Variants in PCDH9 observed in about 807,000 individuals in gnomAD.
The protein encoded by PCDH9 is protocadherin-9.
In PCDH9, 24 loss-of-function variants were observed where a neutral mutation model predicts 70.6. That is an observed-to-expected ratio of 0.34 (90% confidence interval 0.25 to 0.48). PCDH9 has a LOEUF of 0.48. Among genes scored for constraint, PCDH9 ranks in the 20% least tolerant of loss-of-function variants. The probability of loss-of-function intolerance (pLI) is 0.99; values close to 1 mark genes in which losing one functional copy is unlikely to be tolerated. For missense variants in PCDH9, 1,281 were observed against 1,503.6 expected, an observed-to-expected ratio of 0.85 and a Z score of 2.45; for synonymous variants, 562 against 558.5, an observed-to-expected ratio of 1.01 and a Z score of -0.09.
intron 3 of PCDH9, among the ~76,000 whole-genome samples, chr13:66,888,759 T>G (rs989426814): frequency 9.2e-5 from 14 of 152,142 alleles, no homozygotes; most frequent in Admixed American, 5.2e-4. Context: ...TACTTCATTC[T>G]TTTAGTAAAC....
chr13:66,598,399 T>C (rs1204620159), intron 4 of PCDH9, among the ~76,000 whole-genome samples: 1 of 151,860 alleles, frequency 6.6e-6, no homozygotes, highest in Non-Finnish European at 1.5e-5. Flanking sequence ...TAGAGAATTG[T>C]TCAAATATTG....
At chr13:66,932,681 T>TATATATATGTATATAC in intron 2 of PCDH9, among the ~76,000 whole-genome samples, 1 of 114,822 alleles carries the variant, frequency 8.7e-6, no homozygotes, top group Non-Finnish European at 1.8e-5. Context: ...TATATATATA[T>TATATATATGTATATAC]ACACACACAC....
At chr13:66,554,119 C>G (rs1217313338) in intron 4 of PCDH9, among the ~76,000 whole-genome samples, 1 of 152,158 alleles carries the variant, frequency 6.6e-6, no homozygotes, top group African/African-American at 2.4e-5. Flanking sequence ...TTATAACACT[C>G]TGTTCTGTAT....
chr13:67,156,712 G>A (rs1207765268), intron 2 of PCDH9, among the ~76,000 whole-genome samples: 1 of 152,160 alleles, frequency 6.6e-6, no homozygotes, highest in African/African-American at 2.4e-5. Flanking sequence ...GAGGTAGAGG[G>A]TCTAATTGAG....
intron 4 of PCDH9, among the ~76,000 whole-genome samples, chr13:66,532,350 C>A (rs979879206): frequency 6.6e-6 from 1 of 151,994 alleles, no homozygotes; most frequent in Non-Finnish European, 1.5e-5. Context: ...AAACGTTCCC[C>A]ATGGGTGAGT....
chr13:66,889,424 C>G (rs972870254), intron 3 of PCDH9, among the ~76,000 whole-genome samples: 28 of 152,294 alleles, frequency 1.8e-4, no homozygotes, highest in Non-Finnish European at 3.7e-4. Flanking sequence ...AGGTCACGAG[C>G]AAGCTTCAGA....
At chr13:67,205,642 T>C (rs1407078094) in intron 2 of PCDH9, 3 of 152,194 alleles carry the variant, frequency 2.0e-5, no homozygotes, top group African/African-American at 7.2e-5. Context: ...CCATCATCCA[T>C]ATGCACTACA....
intron 4 of PCDH9, among the ~76,000 whole-genome samples, chr13:66,442,414 C>T (rs763925123): frequency 6.6e-6 from 1 of 151,934 alleles, no homozygotes; most frequent in Non-Finnish European, 1.5e-5. Context: ...TTAGGTGAGG[C>T]CTTTAGTTAA....
At chr13:66,590,067 A>G (rs1330910727) in intron 4 of PCDH9, among the ~76,000 whole-genome samples, 1 of 152,048 alleles carries the variant, frequency 6.6e-6, no homozygotes, top group Non-Finnish European at 1.5e-5. Context: ...GCAGAGTGTT[A>G]TGGATTTTGT....
chr13:66,539,853 TTTA>T (rs995255627), intron 4 of PCDH9, among the ~76,000 whole-genome samples: 3 of 143,962 alleles, frequency 2.1e-5, no homozygotes, highest in Non-Finnish European at 3.0e-5. Context: ...TCTTTATTTT[TTTA>T]TTTTCTTTTT....
intron 2 of PCDH9, among the ~76,000 whole-genome samples, chr13:67,176,930 A>T (rs1287216556): frequency 6.6e-6 from 1 of 152,126 alleles, no homozygotes; most frequent in Admixed American, 6.6e-5. Flanking sequence ...GGTAAGAAAG[A>T]CAGTACAACA....
chr13:67,093,443 A>G (rs2086258621), intron 2 of PCDH9, among the ~76,000 whole-genome samples: 1 of 152,096 alleles, frequency 6.6e-6, no homozygotes, highest in African/African-American at 2.4e-5. Context: ...GAAAAGAGTG[A>G]GACTCCATCT....
chr13:66,615,305 C>T (rs1478764054), intron 4 of PCDH9, among the ~76,000 whole-genome samples: 1 of 152,138 alleles, frequency 6.6e-6, no homozygotes, highest in East Asian at 1.9e-4. Context: ...GATGCTCAAT[C>T]TTCTTTAGGT....
At chr13:66,389,178 TCTAGTCC>T (rs1956978423) in intron 4 of PCDH9, among the ~76,000 whole-genome samples, 1 of 152,202 alleles carries the variant, frequency 6.6e-6, no homozygotes, top group Non-Finnish European at 1.5e-5. Context: ...AATCTTAGCA[TCTAGTCC>T]TAATGTTTAT....
chr13:66,358,533 A>G (rs1956420844), intron 4 of PCDH9, among the ~76,000 whole-genome samples: 1 of 151,974 alleles, frequency 6.6e-6, no homozygotes, highest in South Asian at 2.1e-4. Context: ...ATAATTACAA[A>G]TTTTCATCTA....
intron 4 of PCDH9, among the ~76,000 whole-genome samples, chr13:66,401,910 A>G (rs1053216792): frequency 6.6e-6 from 1 of 152,126 alleles, no homozygotes; most frequent in African/African-American, 2.4e-5. Flanking sequence ...TCAGAGTGTC[A>G]AGGTACCCCA....
Position 67,227,826 on chromosome 13 carries a change from A to C in PCDH9, c.615T>G (p.Ile205Met). 1 of 1,614,112 alleles carries C rather than the reference A, an allele frequency of 6.2e-7. No individual in the cohort carries two copies. The highest frequency in any genetic ancestry group is 1.3e-5 in the African/African-American group (1 of 75,056). ...TPEGEKWPQL[I>M]VQQNLDREQK... ...GTTCTCTATCCAAGTTTTGCTGAAC[A>C]ATCAGTTGTGGCCACTTCTCTCCCT... The change falls in exon 2 of 5, where the codon ATT (isoleucine) becomes ATG (methionine). Residue 205 changes from isoleucine (I) to methionine (M), a missense_variant. Physicochemically the swap from Ile to Met is conservative, Grantham distance 10. Transcript: ENST00000377865. This position sits in a 1 kb window ranked among gnomAD's most constrained non-coding sequence, Gnocchi z 4.6.
intron 2 of PCDH9, among the ~76,000 whole-genome samples, chr13:67,115,209 G>A (rs1368042080): frequency 3.9e-5 from 6 of 152,152 alleles, no homozygotes. Context: ...GTATCAGATT[G>A]TCAGCATTGT....
chr13:67,158,864 C>G (rs2087880048), intron 2 of PCDH9, among the ~76,000 whole-genome samples: 1 of 152,172 alleles, frequency 6.6e-6, no homozygotes, highest in African/African-American at 2.4e-5. Context: ...CTGAATGACT[C>G]AAGCAAAGGA....
Sources: allele counts gnomAD v4.1 joint callset (sites outside exome capture counted in the v4.1 genomes callset), GRCh38; gene constraint gnomAD v4.1.1; non-coding constraint Gnocchi (gnomAD v3.1); transcripts MANE v1.5; gene names NCBI Gene and HGNC (gene_info 2026-07-23, HGNC 2026-07-21).